CLCA1: variants seen among roughly 807,000 people sequenced by gnomAD.
CLCA1 encodes the protein chloride channel accessory 1, also known as calcium-activated chloride channel regulator 1.
In CLCA1, 59 loss-of-function variants were observed where a neutral mutation model predicts 85.6. That is an observed-to-expected ratio of 0.69 (90% CI 0.56 to 0.86). The LOEUF is 0.86. Among genes scored for constraint, CLCA1 ranks in the 40% least tolerant of loss-of-function variants. CLCA1 has a pLI of 0.00. For synonymous variants in CLCA1, 396 were observed against 398.3 expected (o/e 0.99, Z 0.07); for missense variants, 1,022 against 1,101.4 (o/e 0.93, Z 1.02).
chr1:86,490,037 G>A (rs1190086813), intron 8 of CLCA1, among the ~76,000 whole-genome samples: 1 of 152,214 alleles, frequency 6.6e-6, no homozygotes, highest in South Asian at 2.1e-4. Flanking sequence ...GACCTAGTCG[G>A]AGTCTAGCTG....
chr1:86,476,711 GTTTAC>G (rs1219554338), intron 4 of CLCA1, among the ~76,000 whole-genome samples, 158 bp downstream of exon 4: 2 of 151,820 alleles, frequency 1.3e-5, no homozygotes, highest in African/African-American at 2.4e-5. Flanking sequence ...CTACCATTTT[GTTTAC>G]TTTACAAGTG....
At position 86,476,539 on chromosome 1, in the gene CLCA1, A is replaced by C; in HGVS notation, c.543A>C (p.Arg181Ser). The change falls in exon 4 of 14, where the codon AGA becomes AGC. Residue 181 changes from arginine (R) to serine (S), a missense_variant. Arg to Ser is a moderately radical substitution (Grantham distance 110). Coordinates refer to ENST00000394711, the MANE Select transcript of CLCA1 (RefSeq NM_001285.4). Reference protein sequence around the residue: ...NDEKFYLSNGRIQAVRCSAGI... With the variant: ...NDEKFYLSNGSIQAVRCSAGI... ...AGAAATTCTACTTATCCAATGGAAG[A>C]ATACAAGCAGTAAGGTATGTATATT... 6.5e-7 allele frequency: 1 copy of C among 1,536,164 alleles called. No homozygotes were observed. The highest frequency in any genetic ancestry group is 9.0e-7 in the Non-Finnish European group (1 of 1,109,224).
At chr1:86,488,882 A>G (rs1475938782) in intron 7 of CLCA1, 114 bp from the exon 8 acceptor site, 2 of 770,290 alleles carry the variant, frequency 2.6e-6, no homozygotes, top group Non-Finnish European at 2.2e-6. Flanking sequence ...TCATTCCCAG[A>G]CAATTTTGGT....
chr1:86,497,811 G>A (rs1386846206), intron 12 of CLCA1, among the ~76,000 whole-genome samples: 1 of 152,132 alleles, frequency 6.6e-6, no homozygotes, highest in East Asian at 1.9e-4. Context: ...TATTATTTAG[G>A]AGGAATACAT....
intron 1 of CLCA1, among the ~76,000 whole-genome samples, chr1:86,470,516 G>T (rs947573252): frequency 6.6e-6 from 1 of 152,200 alleles, no homozygotes; most frequent in African/African-American, 2.4e-5. Context: ...AGTGACCGTG[G>T]TAATTTGTAT....
In CLCA1 at chr1:86,494,467, G is replaced by A. The variant is rs373686027; in HGVS notation, c.1942+19G>A. On this transcript the variant is annotated intron_variant, in intron 11 of 13. Transcript: ENST00000394711. ...GGAGCAGGTAATCACCCAAGAAATT[G>A]GAAGATATTTATTTCTTTTTCCAAG... 10 of 1,611,276 alleles carry A rather than the reference G, an allele frequency of 6.2e-6. No individual in the cohort carries two copies. Among genetic ancestry groups the A allele is most frequent in the Non-Finnish European group, 8.5e-6 (10 of 1,178,180 alleles).
At chr1:86,472,245 C>T (rs1419153201) in intron 1 of CLCA1, among the ~76,000 whole-genome samples, 3 of 152,142 alleles carry the variant, frequency 2.0e-5, no homozygotes, top group African/African-American at 7.2e-5. Context: ...ATTTATTCCA[C>T]TACTAGGGCT....
intron 12 of CLCA1, among the ~76,000 whole-genome samples, chr1:86,497,593 T>C (rs1648327134): frequency 6.6e-6 from 1 of 152,190 alleles, no homozygotes; most frequent in African/African-American, 2.4e-5. Context: ...TAGATTCCCA[T>C]GCATTCACTG....
At chr1:86,472,956 C>G (rs912758881) in intron 1 of CLCA1, among the ~76,000 whole-genome samples, 1 of 152,156 alleles carries the variant, frequency 6.6e-6, no homozygotes, top group African/African-American at 2.4e-5. Flanking sequence ...CAGTTTCACC[C>G]TCAAAGATTT....
chr1:86,498,605 T>G lies in CLCA1; in HGVS notation c.2147T>G (p.Ile716Ser). ...EIQWNPPRPE[I>S]NKDDVQHKQV... ...CAATGGAATCCACCAAGACCTGAAA[T>G]TAATAAGGATGATGTTCAACACAAG... is the stretch of plus-strand genomic sequence containing the variant. The change falls in exon 13 of 14, where the codon ATT becomes AGT. Residue 716 changes from isoleucine (I) to serine (S), a missense_variant. Coordinates refer to ENST00000394711, the MANE Select transcript of CLCA1 (RefSeq NM_001285.4). 6.2e-7 allele frequency: 1 copy of G among 1,613,698 alleles called. No homozygotes were observed. The highest frequency in any genetic ancestry group is 8.5e-7 in the Non-Finnish European group (1 of 1,179,828).
Position 86,473,444 on chromosome 1 carries a change from C to A in CLCA1, c.190C>A (p.Leu64Met). 1 of 1,602,442 alleles carries A rather than the reference C, an allele frequency of 6.2e-7. No individual in the cohort carries two copies. Among genetic ancestry groups the A allele is most frequent in the East Asian group, 2.2e-5 (1 of 44,796 alleles). Residue 64 changes from leucine to methionine, a missense_variant, in exon 2 of 14, where the codon CTG (leucine) becomes ATG (methionine). Physicochemically the swap from Leu to Met is conservative, Grantham distance 15 (BLOSUM62 2). Coordinates refer to ENST00000394711, the MANE Select transcript of CLCA1 (RefSeq NM_001285.4). ...CATGGTGACCCAGGCATCTCTGTAT[C>A]TGCTTGAAGCTACAGGAAAGCGATT... ...KDMVTQASLYLLEATGKRFYF... is the reference protein window; with the variant it reads ...KDMVTQASLYMLEATGKRFYF...
chr1:86,493,166 G>T (rs78867262), intron 9 of CLCA1, among the ~76,000 whole-genome samples: 7 of 138,898 alleles, frequency 5.0e-5, no homozygotes, highest in African/African-American at 1.9e-4. Flanking sequence ...AAGGACCTTT[G>T]GGGAGTGGTC....
Position 86,472,349 on chromosome 1 carries a change from A to G in CLCA1, c.163-1068A>G, listed in dbSNP as rs5744317. On this transcript the variant is annotated intron_variant, in intron 1 of 13. Coordinates refer to ENST00000394711, the MANE Select transcript of CLCA1 (RefSeq NM_001285.4). ...CACCGATGATCACGCCCTCCTCCCT[A>G]TAGCTCTCTCATCCCACAGCTCCTC... Among the ~76,000 whole-genome samples the G allele has an allele frequency of 7.7e-3, 1,170 of 152,130 alleles. 10 individuals carry two copies. Among genetic ancestry groups the G allele is most frequent in the African/African-American group, 0.027 (1,101 of 41,478 alleles).
chr1:86,476,604 T>C, intron 4 of CLCA1, 51 bp downstream of exon 4: 1 of 889,610 alleles, frequency 1.1e-6, no homozygotes, highest in South Asian at 1.6e-5. Flanking sequence ...ATTGCAACCT[T>C]TTTTTCTTGA....
Position 86,473,499 on chromosome 1 carries a change from C to CTCA in CLCA1, c.246_247insCAT (p.Pro82_Glu83insHis). On this transcript the variant is annotated inframe_insertion, in exon 2 of 14. Coordinates refer to ENST00000394711, the MANE Select transcript of CLCA1 (RefSeq NM_001285.4). ...TTCAAAAATGTTGCCATTTTGATTCCTGAAACATGGAAGACAAAGGCTGAC... is the reference window on the plus strand; with the variant it reads ...TTCAAAAATGTTGCCATTTTGATTCCTCATGAAACATGGAAGACAAAGGCTGAC... The CTCA allele has an allele frequency of 6.2e-7, 1 of 1,611,814 alleles. No homozygotes were observed. Among genetic ancestry groups the CTCA allele is most frequent in the Non-Finnish European group, 8.5e-7 (1 of 1,178,276 alleles).
intron 4 of CLCA1, among the ~76,000 whole-genome samples, chr1:86,481,080 T>C (rs1357118576): frequency 2.6e-5 from 4 of 152,204 alleles, no homozygotes; most frequent in Non-Finnish European, 4.4e-5. Flanking sequence ...AACAAGTTAG[T>C]CTGAATACAT....
intron 3 of CLCA1, 42 bp from the exon 4 acceptor site, chr1:86,476,406 C>A: frequency 1.0e-6 from 1 of 965,146 alleles, no homozygotes; most frequent in Non-Finnish European, 1.7e-6. Flanking sequence ...GGTAATTTTG[C>A]CATTCTTATT....
At chr1:86,491,414 C>G (rs1469674518) in intron 9 of CLCA1, 43 bp downstream of exon 9, 2 of 1,336,238 alleles carry the variant, frequency 1.5e-6, no homozygotes, top group Admixed American at 3.6e-5. Flanking sequence ...TACACATAAT[C>G]ATAGCCAAGA....
chr1:86,474,154 T>G lies in CLCA1; in HGVS notation c.451+278T>G, dbSNP rs5744325. On this transcript the variant is annotated intron_variant, in intron 3 of 13. Transcript: ENST00000394711. ...CATCATACTATAACTGTAAAAGAAT[T>G]TAATTTGTATTAAGTTTCTATGGAT... 3.9e-3 allele frequency among the ~76,000 whole-genome samples: 594 copies of G among 152,346 alleles called. 2 individuals carry two copies. Among genetic ancestry groups the G allele is most frequent in the African/African-American group, 0.013 (560 of 41,570 alleles).
Sources: gnomAD v4.1 joint callset for allele counts (sites outside exome capture counted in the v4.1 genomes callset) on GRCh38, gnomAD v4.1.1 for gene constraint, MANE v1.5 for transcripts, NCBI Gene and HGNC (gene_info 2026-07-23, HGNC 2026-07-21) for gene names.